ZNF518A: variants seen among roughly 807,000 people sequenced by gnomAD.
The protein encoded by ZNF518A is zinc finger protein 518A.
Under a neutral mutation model 102.7 loss-of-function variants are expected in ZNF518A, and 47 were observed. The ratio of observed to expected loss-of-function variants is 0.46; its 90% CI spans 0.36 to 0.58. The LOEUF (loss-of-function observed/expected upper bound fraction) is 0.58. Ranked by LOEUF, ZNF518A falls within the 20% of genes least tolerant of loss-of-function variation. The probability of loss-of-function intolerance (pLI) is 0.00; values close to 1 mark genes in which losing one functional copy is unlikely to be tolerated. For missense variants in ZNF518A, 1,793 were observed against 1,699.8 expected (o/e 1.05, Z -0.96); for synonymous variants, 652 against 594.6 (o/e 1.10, Z -1.40).
intron 3 of ZNF518A, among the ~76,000 whole-genome samples, chr10:96,148,655 G>A (rs1181618471): frequency 7.9e-5 from 12 of 152,184 alleles, no homozygotes; most frequent in Non-Finnish European, 1.5e-4. Context: ...CTCCCACTGT[G>A]GGGAGCTCTT....
downstream of ZNF518A, chr10:96,204,702 A>C: frequency 8.1e-7 from 1 of 1,235,784 alleles, no homozygotes; most frequent in Non-Finnish European, 1.2e-6. Context: ...GAGAAGAACC[A>C]AATTTGATCA....
At chr10:96,186,984 AGAGGCCCAG>A (rs2133898440) in intron 1 of ZNF518A, among the ~76,000 whole-genome samples, 1 of 152,352 alleles carries the variant, frequency 6.6e-6, no homozygotes, top group East Asian at 1.9e-4. Flanking sequence ...GATAGGCCAC[AGAGGCCCAG>A]GAATCTCATG....
At chr10:96,134,837 T>A (rs1264671859) in intron 3 of ZNF518A, among the ~76,000 whole-genome samples, 2 of 152,244 alleles carry the variant, frequency 1.3e-5, no homozygotes, top group Non-Finnish European at 2.9e-5. Context: ...TCTCATTTCA[T>A]GAGGAAAGTC....
rs1554883609 is a variant in ZNF518A at position 96,157,590 on chromosome 10, C to A, written c.1268C>A (p.Thr423Lys). 1 of 1,613,820 alleles carries A rather than the reference C, an allele frequency of 6.2e-7. No individual in the cohort carries two copies. Among genetic ancestry groups the A allele is most frequent in the Non-Finnish European group, 8.5e-7 (1 of 1,179,762 alleles). The change falls in exon 6 of 6, where the codon ACA becomes AAA. Residue 423 changes from threonine to lysine, a missense_variant. By Grantham distance (78) the Thr-to-Lys change is moderately conservative. Transcript: ENST00000316045. The stretch of plus-strand genomic sequence containing the variant: ...ATGAAGACTGCTGTACTAGGACCTA[C>A]ACTGAAAAATGTAATGATGAAAAAT... ...GFMKTAVLGP[T>K]LKNVMMKNNK...
intron 1 of ZNF518A, among the ~76,000 whole-genome samples, chr10:96,198,026 A>T (rs142876413): frequency 6.6e-6 from 1 of 151,974 alleles, no homozygotes; most frequent in East Asian, 1.9e-4. Context: ...AAAATAAAAA[A>T]TTACGAACAA....
chr10:96,197,204 G>A, intron 1 of ZNF518A: 1 of 634,146 alleles, frequency 1.6e-6, no homozygotes, highest in Non-Finnish European at 2.6e-6. Flanking sequence ...TTATTGATTA[G>A]CGCTTGTCTT....
chr10:96,187,905 G>A (rs1382183790), intron 1 of ZNF518A, among the ~76,000 whole-genome samples: 1 of 152,238 alleles, frequency 6.6e-6, no homozygotes, highest in Non-Finnish European at 1.5e-5. Flanking sequence ...GAGTGCAGTG[G>A]CATGATCTTG....
intron 3 of ZNF518A, among the ~76,000 whole-genome samples, chr10:96,150,834 C>T (rs1480432404): frequency 1.1e-4 from 15 of 140,668 alleles, no homozygotes; most frequent in African/African-American, 3.9e-4. Context: ...GCAGTCTCCA[C>T]CTCCACATCC....
At position 96,156,988 on chromosome 10, in the gene ZNF518A, T is replaced by G. The variant is rs368177736; in HGVS notation, c.666T>G (p.Phe222Leu). ...TCTCCACCCAGGATGTTGGCACATT[T>G]GTTCAGCACATTCATAGACATAATG... ...CKFSTQDVGT[F>L]VQHIHRHNEI... The change falls in exon 6 of 6, where the codon TTT becomes TTG. Residue 222 changes from phenylalanine (F) to leucine (L), a missense_variant. Coordinates refer to ENST00000316045, the MANE Select transcript of ZNF518A (RefSeq NM_001330736.2). 6.8e-6 allele frequency: 11 copies of G among 1,613,902 alleles called. No individual in the cohort carries two copies. Among genetic ancestry groups the G allele is most frequent in the Non-Finnish European group, 8.5e-6 (10 of 1,179,810 alleles).
intron 1 of ZNF518A, chr10:96,199,540 G>A (rs1554895547): frequency 4.4e-6 from 2 of 459,606 alleles, no homozygotes. Context: ...GGTCCTTGAG[G>A]AGATGAAAGG....
intron 3 of ZNF518A, 90 bp from the exon 4 acceptor site, chr10:96,155,236 G>A (rs1396643207): frequency 2.0e-5 from 3 of 152,088 alleles, no homozygotes; most frequent in African/African-American, 4.8e-5. Flanking sequence ...CACTTTAAAG[G>A]ATATTTTTAC....
intron 1 of ZNF518A, among the ~76,000 whole-genome samples, chr10:96,201,248 G>A (rs2083625891): frequency 6.6e-6 from 1 of 152,094 alleles, no homozygotes; most frequent in African/African-American, 2.4e-5. Flanking sequence ...TGGTTCAAGA[G>A]GTCTTTTCTT....
downstream of ZNF518A, among the ~76,000 whole-genome samples, chr10:96,166,255 GTC>G (rs2083139692): frequency 6.6e-6 from 1 of 152,184 alleles, no homozygotes. Context: ...TCACATACCA[GTC>G]TCTGAAAACA....
chr10:96,141,631 TG>T (rs1234495881), intron 3 of ZNF518A, among the ~76,000 whole-genome samples: 6 of 152,246 alleles, frequency 3.9e-5, no homozygotes, highest in African/African-American at 1.4e-4. Flanking sequence ...CATACCAGAA[TG>T]GTATGTGACT....
chr10:96,204,837 A>ACC (rs2083753358), downstream of ZNF518A: 1 of 518,648 alleles, frequency 1.9e-6, no homozygotes, highest in Admixed American at 2.8e-5. Context: ...GGTACATCCT[A>ACC]CCACCTCTGC....
At chr10:96,180,621 T>G (rs1258933047) in intron 1 of ZNF518A, among the ~76,000 whole-genome samples, 1 of 152,158 alleles carries the variant, frequency 6.6e-6, no homozygotes, top group African/African-American at 2.4e-5. Flanking sequence ...TGCGATAGTT[T>G]GCTCAGAATG....
In ZNF518A at chr10:96,155,971, C is replaced by T. The variant is rs2082677663; in HGVS notation, c.-203C>T. On this transcript the variant is annotated 5_prime_UTR_variant, in exon 5 of 6. Transcript: ENST00000316045. ...AAGTTGAAGTTTTCCCAAGGTCACA[C>T]AGCAGAGCTGGAACTAGAGCTTGCA... The T allele has an allele frequency of 6.4e-6, 1 of 156,780 alleles. No individual in the cohort carries two copies. The allele number at this position is 156,780 out of a possible 1,614,324, so 9.7% of individuals were successfully genotyped here.
At position 96,159,327 on chromosome 10, in the gene ZNF518A, G is replaced by A. The variant is rs1554885917; in HGVS notation, c.3005G>A (p.Gly1002Glu). The A allele has an allele frequency of 6.2e-7, 1 of 1,613,550 alleles. No individual in the cohort carries two copies. Among genetic ancestry groups the A allele is most frequent in the African/African-American group, 1.3e-5 (1 of 74,908 alleles). ...AAAACCGAGGGTGCCCCAGCTCGTG[G>A]AACTGTGACTAAGGAGCCTTGCAAA... The part of the protein sequence containing the change: ...AVKTEGAPAR[G>E]TVTKEPCKTP... Residue 1002 changes from glycine (G) to glutamate (E), a missense_variant, in exon 6 of 6, where the codon GGA becomes GAA. Transcript: ENST00000316045.
chr10:96,138,203 A>C (rs2081715837), intron 3 of ZNF518A, among the ~76,000 whole-genome samples: 1 of 152,200 alleles, frequency 6.6e-6, no homozygotes, highest in African/African-American at 2.4e-5. Flanking sequence ...TTAGCATAGC[A>C]GCCCAAGTGA....
Sources: allele counts gnomAD v4.1 joint callset (sites outside exome capture counted in the v4.1 genomes callset), GRCh38; gene constraint gnomAD v4.1.1; transcripts MANE v1.5; gene names NCBI Gene and HGNC (gene_info 2026-07-23, HGNC 2026-07-21).